Variants in DGKB observed in about 807,000 individuals in gnomAD.
The protein encoded by DGKB is 90 kDa diacylglycerol kinase.
Under a neutral mutation model 114.3 loss-of-function variants are expected in DGKB, and 67 were observed. The observed-to-expected ratio is 0.59, with a 90% CI of 0.48 to 0.72. DGKB has a LOEUF of 0.72. Ranked by LOEUF, DGKB falls within the 30% of genes least tolerant of loss-of-function variation. The pLI, the probability that DGKB is intolerant of heterozygous loss-of-function variation, is 0.00. For missense variants in DGKB, 907 were observed against 975.2 expected (o/e 0.93, Z 0.93); for synonymous variants, 398 against 323.1 (o/e 1.23, Z -2.49).
upstream of DGKB, among the ~76,000 whole-genome samples, chr7:14,906,733 G>C (rs1272362179): frequency 6.6e-6 from 1 of 152,126 alleles, no homozygotes; most frequent in South Asian, 2.1e-4. Context: ...TTACAGGCGT[G>C]AGCCACAGTG....
At chr7:14,161,751 C>A (rs1783927076) in intron 25 of DGKB, among the ~76,000 whole-genome samples, 1 of 151,822 alleles carries the variant, frequency 6.6e-6, no homozygotes, top group South Asian at 2.1e-4. Context: ...ACCACCATGA[C>A]ACATGTATAC....
At chr7:14,227,947 T>G (rs1791084207) in intron 23 of DGKB, among the ~76,000 whole-genome samples, 1 of 152,080 alleles carries the variant, frequency 6.6e-6, no homozygotes, top group Admixed American at 6.6e-5. Context: ...TTGTTATTGT[T>G]GTCAGCTGTG....
chr7:14,376,374 A>G (rs1818485222), intron 21 of DGKB, among the ~76,000 whole-genome samples: 1 of 152,226 alleles, frequency 6.6e-6, no homozygotes, highest in African/African-American at 2.4e-5. Context: ...TGTTTTTAAA[A>G]TACATTTTCT....
chr7:14,384,181 T>G (rs1429199152), intron 21 of DGKB, among the ~76,000 whole-genome samples: 5 of 152,224 alleles, frequency 3.3e-5, no homozygotes, highest in Non-Finnish European at 7.3e-5. Context: ...CAATGATAAA[T>G]TTGAAAATCA....
At chr7:14,926,850 A>T (rs1185397634) in intron 1 of DGKB, among the ~76,000 whole-genome samples, 2 of 151,798 alleles carry the variant, frequency 1.3e-5, no homozygotes, top group South Asian at 2.1e-4. Context: ...TTTCCTTTAA[A>T]ATTTACCATG....
rs574248800 is a variant in DGKB at position 14,589,200 on chromosome 7, C to T, written c.1434-6063G>A. ...TTTATTAATATTAATATTTTTGTTGCTGGCATATATAAACATATTTGAGTG... is the reference window on the plus strand; with the variant it reads ...TTTATTAATATTAATATTTTTGTTGTTGGCATATATAAACATATTTGAGTG... On this transcript the variant is annotated intron_variant, in intron 17 of 25. Transcript: ENST00000402815. Among the ~76,000 whole-genome samples, 4 of 151,802 alleles carry T rather than the reference C, an allele frequency of 2.6e-5. No homozygotes were observed. In the South Asian group the frequency reaches 8.3e-4, roughly 32 times the overall value.
chr7:14,594,482 C>G (rs1802218727), intron 17 of DGKB, among the ~76,000 whole-genome samples: 1 of 152,116 alleles, frequency 6.6e-6, no homozygotes, highest in South Asian at 2.1e-4. Flanking sequence ...TCAATTAAAA[C>G]AGAAGTTACA....
chr7:14,272,375 C>T lies in DGKB; in HGVS notation c.2122+66140G>A, dbSNP rs150748816. On this transcript the variant is annotated intron_variant, in intron 23 of 25. Transcript: ENST00000402815. ...GGCATCATTATTAGCAATACATATACGTAAAATTATAGGTTTGAAGAAAAA... is the reference window on the plus strand; with the variant it reads ...GGCATCATTATTAGCAATACATATATGTAAAATTATAGGTTTGAAGAAAAA... Among the ~76,000 whole-genome samples, 616 of 151,970 alleles carry T rather than the reference C, an allele frequency of 4.1e-3. 3 individuals carry two copies. The highest frequency in any genetic ancestry group is 0.014 in the African/African-American group (587 of 41,440).
intron 2 of DGKB, among the ~76,000 whole-genome samples, chr7:14,780,571 A>G (rs900663161): frequency 6.6e-6 from 1 of 152,176 alleles, no homozygotes; most frequent in African/African-American, 2.4e-5. Flanking sequence ...ATATTCAATC[A>G]GTAGCTCAAC....
At chr7:14,286,702 A>G (rs6945418) in intron 23 of DGKB, among the ~76,000 whole-genome samples, 132,822 of 152,152 alleles carry the variant, frequency 0.87, 58,313 homozygotes, top group African/African-American at 0.97. Context: ...ACTTTCCTAA[A>G]TTTATGGAAC....
chr7:14,289,728 T>C (rs1297774208), intron 23 of DGKB, among the ~76,000 whole-genome samples: 1 of 92,868 alleles, frequency 1.1e-5, no homozygotes. Flanking sequence ...AAGGCAAACA[T>C]AAATCAGACA....
intron 20 of DGKB, among the ~76,000 whole-genome samples, chr7:14,531,722 C>G (rs1306324572): frequency 6.7e-6 from 1 of 149,608 alleles, no homozygotes; most frequent in South Asian, 2.1e-4. Context: ...CCCAGAAAAG[C>G]CAAAAGATTT....
intron 21 of DGKB, among the ~76,000 whole-genome samples, chr7:14,471,033 A>G (rs147335381): frequency 4.0e-5 from 6 of 151,212 alleles, no homozygotes; most frequent in Admixed American, 4.0e-4. Context: ...TGGAATTTTT[A>G]TCTCTAGATA....
At chr7:14,589,998 A>G (rs998814750) in intron 17 of DGKB, among the ~76,000 whole-genome samples, 12 of 147,262 alleles carry the variant, frequency 8.1e-5, no homozygotes, top group South Asian at 4.3e-4. Flanking sequence ...ACTTGCATAT[A>G]AAACCTAAAT....
At chr7:14,447,623 A>T (rs1429582567) in intron 21 of DGKB, among the ~76,000 whole-genome samples, 1 of 152,014 alleles carries the variant, frequency 6.6e-6, no homozygotes, top group East Asian at 1.9e-4. Context: ...TCATTTTTTA[A>T]ATTTTCTCCA....
intron 2 of DGKB, among the ~76,000 whole-genome samples, chr7:14,790,416 A>T (rs1840503376): frequency 6.6e-6 from 1 of 151,316 alleles, no homozygotes; most frequent in Non-Finnish European, 1.5e-5. Flanking sequence ...TCACCCAAAA[A>T]CTGTTCAGTT....
intron 1 of DGKB, among the ~76,000 whole-genome samples, chr7:14,876,683 G>T (rs921469374): frequency 6.6e-6 from 1 of 152,138 alleles, no homozygotes; most frequent in African/African-American, 2.4e-5. Context: ...TCCTGGACTC[G>T]TTAGCTGTAC....
chr7:14,729,107 G>A (rs545331757), intron 5 of DGKB, among the ~76,000 whole-genome samples: 37 of 148,682 alleles, frequency 2.5e-4, no homozygotes, highest in Non-Finnish European at 4.6e-4. Flanking sequence ...GAATGGAAAC[G>A]GGTTTCATTT....
chr7:14,157,014 C>G (rs1364451863), intron 25 of DGKB, among the ~76,000 whole-genome samples: 2 of 152,052 alleles, frequency 1.3e-5, no homozygotes, highest in African/African-American at 4.8e-5. Flanking sequence ...GCATTTTTTC[C>G]TATTAAATAT....
Sources: gnomAD v4.1 joint callset for allele counts (sites outside exome capture counted in the v4.1 genomes callset) on GRCh38, gnomAD v4.1.1 for gene constraint, MANE v1.5 for transcripts, NCBI Gene and HGNC (gene_info 2026-07-23, HGNC 2026-07-21) for gene names.